Variants in SLC15A5 observed in about 807,000 individuals in gnomAD.
SLC15A5 encodes Peptide/histidine transporter ENSP00000340402.
SLC15A5 carries 58 observed loss-of-function variants against 56.1 expected under a neutral mutation model. The ratio of observed to expected loss-of-function variants is 1.03; its 90% confidence interval spans 0.84 to 1.29. SLC15A5 has a LOEUF of 1.29. Ranked by LOEUF, SLC15A5 falls within the 50% of genes most tolerant of loss-of-function variation. The probability of loss-of-function intolerance (pLI) is 0.00; values close to 1 mark genes in which losing one functional copy is unlikely to be tolerated. For synonymous variants in SLC15A5, 264 were observed against 250.5 expected, an observed-to-expected ratio of 1.05 and a Z score of -0.51; for missense variants, 681 against 672.1, an observed-to-expected ratio of 1.01 and a Z score of -0.15.
At chr12:16,219,798 T>C (rs887287086) in intron 6 of SLC15A5, among the ~76,000 whole-genome samples, 2 of 152,124 alleles carry the variant, frequency 1.3e-5, no homozygotes, top group African/African-American at 4.8e-5. Flanking sequence ...CCCATTACAA[T>C]GTAGATAATA....
At chr12:16,276,452 C>T (rs1352514344) in intron 1 of SLC15A5, among the ~76,000 whole-genome samples, 2 of 151,926 alleles carry the variant, frequency 1.3e-5, no homozygotes, top group African/African-American at 2.4e-5. Flanking sequence ...TATTTAGTTG[C>T]CTTACAGCTT....
chr12:16,275,544 TA>T (rs910137123), intron 1 of SLC15A5, among the ~76,000 whole-genome samples: 15 of 152,084 alleles, frequency 9.9e-5, no homozygotes, highest in African/African-American at 3.6e-4. Flanking sequence ...TTGGAATGGT[TA>T]AAAAGAAGAA....
intron 7 of SLC15A5, among the ~76,000 whole-genome samples, chr12:16,201,377 A>T (rs1863954020): frequency 6.6e-6 from 1 of 152,148 alleles, no homozygotes; most frequent in Non-Finnish European, 1.5e-5. Context: ...AGCATGGCAT[A>T]AAAACAGACA....
intron 3 of SLC15A5, among the ~76,000 whole-genome samples, chr12:16,257,029 A>G (rs938036960): frequency 1.3e-5 from 2 of 152,086 alleles, no homozygotes; most frequent in African/African-American, 4.8e-5. Context: ...AAACAAAAAA[A>G]CAAATTTCAA....
chr12:16,217,716 T>C lies in SLC15A5; in HGVS notation c.1352-692A>G, dbSNP rs529035914. Reference sequence around the variant, plus strand: ...TTTGACAGTATTAATCTTATCAAATTGAGTAGTTCCTACTTGTGCAGGCAC... The same window carrying C: ...TTTGACAGTATTAATCTTATCAAATCGAGTAGTTCCTACTTGTGCAGGCAC... On this transcript the variant is annotated intron_variant, in intron 6 of 8. Coordinates refer to ENST00000344941, the MANE Select transcript of SLC15A5 (RefSeq NM_001170798.1). 1.2e-3 allele frequency among the ~76,000 whole-genome samples: 189 copies of C among 152,212 alleles called. 2 individuals are homozygous for C. The highest frequency in any genetic ancestry group is 5.2e-3 in the South Asian group (25 of 4,824).
intron 6 of SLC15A5, among the ~76,000 whole-genome samples, chr12:16,222,732 C>A (rs571535951): frequency 1.3e-5 from 2 of 152,224 alleles, no homozygotes; most frequent in South Asian, 4.1e-4. Flanking sequence ...TTTTCTGTAC[C>A]TCTCTGGCTT....
At chr12:16,220,011 A>C (rs753317411) in intron 6 of SLC15A5, among the ~76,000 whole-genome samples, 8 of 152,106 alleles carry the variant, frequency 5.3e-5, no homozygotes, top group Admixed American at 3.3e-4. Context: ...CCACCTTCCT[A>C]AGGCACCTGG....
In SLC15A5 at chr12:16,189,366, A is replaced by C. The variant is rs3864919; in HGVS notation, c.*302T>G. 0.47 allele frequency: 89,211 copies of C among 188,046 alleles called. 21,887 individuals carry two copies. The highest frequency in any genetic ancestry group is 0.7 in the East Asian group (5,642 of 8,026). 11.6% of individuals were successfully genotyped at this position (188,046 alleles called of 1,614,324 possible). ...AAAGGTCATACGCTTTCAATGGCTG[A>C]ACCATTGTAGAAAGCTGTAAGGTAT... On this transcript the variant is annotated 3_prime_UTR_variant, in exon 9 of 9. Coordinates refer to ENST00000344941, the MANE Select transcript of SLC15A5 (RefSeq NM_001170798.1).
chr12:16,192,093 T>C (rs1863842902), intron 8 of SLC15A5, among the ~76,000 whole-genome samples: 1 of 152,112 alleles, frequency 6.6e-6, no homozygotes, highest in Non-Finnish European at 1.5e-5. Flanking sequence ...GGTCAGTTTA[T>C]TTAACTAGCT....
At chr12:16,221,653 A>T (rs1247865243) in intron 6 of SLC15A5, among the ~76,000 whole-genome samples, 1 of 152,196 alleles carries the variant, frequency 6.6e-6, no homozygotes, top group Non-Finnish European at 1.5e-5. Flanking sequence ...AATCAGGGGA[A>T]TGATAGAACT....
At chr12:16,190,642 A>C (rs1863831162) in intron 8 of SLC15A5, among the ~76,000 whole-genome samples, 1 of 152,154 alleles carries the variant, frequency 6.6e-6, no homozygotes, top group African/African-American at 2.4e-5. Context: ...TCACATACAC[A>C]TAAGTTTCAA....
intron 8 of SLC15A5, among the ~76,000 whole-genome samples, chr12:16,193,837 G>GAGGC (rs1863866737): frequency 7.0e-6 from 1 of 141,968 alleles, no homozygotes. Flanking sequence ...GAGAGAGAGA[G>GAGGC]AGAGAGAGGC....
chr12:16,205,936 C>T (rs1427500626), intron 7 of SLC15A5, among the ~76,000 whole-genome samples: 2 of 152,120 alleles, frequency 1.3e-5, no homozygotes, highest in East Asian at 3.9e-4. Context: ...CCTCAGACTT[C>T]ACTAAATTTT....
At chr12:16,205,696 C>T (rs1450259086) in intron 7 of SLC15A5, among the ~76,000 whole-genome samples, 2 of 151,166 alleles carry the variant, frequency 1.3e-5, no homozygotes, top group Non-Finnish European at 2.9e-5. Context: ...CCATCTCCCA[C>T]CAAAATCAGA....
chr12:16,202,617 G>A (rs1444762305), intron 7 of SLC15A5, among the ~76,000 whole-genome samples: 1 of 152,108 alleles, frequency 6.6e-6, no homozygotes, highest in Non-Finnish European at 1.5e-5. Flanking sequence ...ATATCCGAAG[G>A]AGTTGAAATC....
chr12:16,214,466 A>T (rs952588625), intron 7 of SLC15A5, among the ~76,000 whole-genome samples: 6 of 152,168 alleles, frequency 3.9e-5, no homozygotes, highest in African/African-American at 1.2e-4. Context: ...AGGAAGACCA[A>T]CCACATGATC....
At chr12:16,205,288 C>T (rs1029867537) in intron 7 of SLC15A5, among the ~76,000 whole-genome samples, 3 of 151,580 alleles carry the variant, frequency 2.0e-5, no homozygotes, top group Non-Finnish European at 2.9e-5. Context: ...TATCTTGAGG[C>T]AAGTATTATC....
chr12:16,216,265 A>G (rs1321779023), intron 7 of SLC15A5, among the ~76,000 whole-genome samples: 2 of 152,206 alleles, frequency 1.3e-5, no homozygotes, highest in East Asian at 1.9e-4. Context: ...ATGACTTATC[A>G]TTATTGTCAT....
rs1281931506 is a variant in SLC15A5 at position 16,188,695 on chromosome 12, A to G, written c.*973T>C. The G allele has an allele frequency of 2.6e-5, 4 of 152,212 alleles. No homozygotes were observed. The highest frequency in any genetic ancestry group is 4.4e-5 in the Non-Finnish European group (3 of 68,034). The allele number at this position is 152,212 out of a possible 1,614,324, so 9.4% of individuals were successfully genotyped here. Reference sequence around the variant, plus strand: ...TAAAACCACCAATTGCTGGACCCCAATCTCAAAAAAAGATTTGAGTTAAGG... The same window carrying G: ...TAAAACCACCAATTGCTGGACCCCAGTCTCAAAAAAAGATTTGAGTTAAGG... On this transcript the variant is annotated 3_prime_UTR_variant, in exon 9 of 9. Coordinates refer to ENST00000344941, the MANE Select transcript of SLC15A5 (RefSeq NM_001170798.1).
Sources: allele counts gnomAD v4.1 joint callset (sites outside exome capture counted in the v4.1 genomes callset), GRCh38; gene constraint gnomAD v4.1.1; transcripts MANE v1.5; gene names NCBI Gene and HGNC (gene_info 2026-07-23, HGNC 2026-07-21).